The following CEP112 variants were observed in gnomAD, a reference collection of about 807,000 sequenced individuals.
The protein encoded by CEP112 is centrosomal protein 112.
CEP112 carries 127 observed loss-of-function variants against 153.0 expected under a neutral mutation model. The ratio of observed to expected loss-of-function variants is 0.83; its 90% confidence interval spans 0.72 to 0.96. The LOEUF (loss-of-function observed/expected upper bound fraction) is 0.96, where lower values mean the gene tolerates loss of function less well. CEP112 is among the 40% of genes least tolerant of loss of function. The pLI, the probability that CEP112 is intolerant of heterozygous loss-of-function variation, is 0.00. For synonymous variants in CEP112, 358 were observed against 374.4 expected, an observed-to-expected ratio of 0.96 and a Z score of 0.51; for missense variants, 1,089 against 1,101.2, an observed-to-expected ratio of 0.99 and a Z score of 0.16.
At chr17:65,721,015 T>C (rs1197057073) in intron 23 of CEP112, among the ~76,000 whole-genome samples, 7 of 146,974 alleles carry the variant, frequency 4.8e-5, no homozygotes, top group African/African-American at 1.6e-4. Flanking sequence ...CTCTCTTTTT[T>C]TTTTTTTTTT....
At chr17:66,026,470 TA>T (rs35723023) in intron 16 of CEP112, among the ~76,000 whole-genome samples, 140,965 of 152,200 alleles carry the variant, frequency 0.93, 65,518 homozygotes, top group East Asian at 0.97. Flanking sequence ...GTTCTTTTGT[TA>T]AAATGTTTAA....
At chr17:65,977,827 C>A (rs1340683850) in intron 17 of CEP112, among the ~76,000 whole-genome samples, 1 of 152,176 alleles carries the variant, frequency 6.6e-6, no homozygotes, top group East Asian at 1.9e-4. Context: ...GTAATCCCAG[C>A]ACTTTGGGAG....
intron 9 of CEP112, among the ~76,000 whole-genome samples, chr17:66,069,202 T>G (rs909171426): frequency 6.6e-6 from 1 of 152,000 alleles, no homozygotes; most frequent in Non-Finnish European, 1.5e-5. Context: ...AATCATAGGC[T>G]TAGTTTTGAA....
chr17:66,030,849 A>G (rs576834391), intron 12 of CEP112, among the ~76,000 whole-genome samples: 1 of 152,320 alleles, frequency 6.6e-6, no homozygotes, highest in South Asian at 2.1e-4. Context: ...ATAGGTTAGT[A>G]TGATGTTGCA....
At chr17:66,061,272 G>A (rs68045833) in intron 11 of CEP112, among the ~76,000 whole-genome samples, 55,187 of 151,634 alleles carry the variant, frequency 0.36, 11,106 homozygotes, top group Non-Finnish European at 0.45. Flanking sequence ...TTAAAAAGTC[G>A]AAAGATAGCA....
intron 21 of CEP112, among the ~76,000 whole-genome samples, chr17:65,840,966 C>T (rs2057494805): frequency 1.3e-5 from 2 of 152,052 alleles, no homozygotes; most frequent in East Asian, 1.9e-4. Context: ...ATATCTCATC[C>T]ACTTAAAACT....
At chr17:65,815,020 TTTTA>T (rs2056188717) in intron 21 of CEP112, among the ~76,000 whole-genome samples, 1 of 152,140 alleles carries the variant, frequency 6.6e-6, no homozygotes, top group Non-Finnish European at 1.5e-5. Context: ...AGAGTAAAAG[TTTTA>T]TTTCTGATGA....
At chr17:66,053,662 C>T in intron 12 of CEP112, 74 bp downstream of exon 12, 2 of 1,450,554 alleles carry the variant, frequency 1.4e-6, no homozygotes, top group Admixed American at 1.9e-5. Flanking sequence ...ACACTGTGCA[C>T]ATCAGGGAAA....
Position 66,132,681 on chromosome 17 carries a change from G to C in CEP112, c.553C>G (p.Pro185Ala), listed in dbSNP as rs766014051. 1.1e-5 allele frequency: 18 copies of C among 1,610,368 alleles called. No individual in the cohort carries two copies. The South Asian group carries it at 1.8e-4, about 16-fold the overall frequency. Residue 185 changes from proline (P) to alanine (A), a missense_variant, in exon 5 of 27, where the codon CCA becomes GCA. Physicochemically the swap from Pro to Ala is conservative, Grantham distance 27. Coordinates refer to ENST00000535342, the MANE Select transcript of CEP112 (RefSeq NM_001199165.4). ...AAATCTAATCTTACACAAATCTTTG[G>C]GGTAATATTTTGTCCATCTTCTCTG... ...THREDGQNIT[P>A]KICEVYSKKS...
intron 4 of CEP112, among the ~76,000 whole-genome samples, chr17:66,140,725 C>A (rs1425831719): frequency 6.6e-6 from 1 of 152,180 alleles, no homozygotes; most frequent in Non-Finnish European, 1.5e-5. Flanking sequence ...TCACTGCAAC[C>A]TCCACCTCCT....
At chr17:65,816,229 TG>T (rs1216720360) in intron 21 of CEP112, among the ~76,000 whole-genome samples, 1 of 152,080 alleles carries the variant, frequency 6.6e-6, no homozygotes. Context: ...TCAGTAGTTT[TG>T]GTATACTCAC....
chr17:66,190,763 C>T, intron 1 of CEP112, among the ~76,000 whole-genome samples: 1 of 152,104 alleles, frequency 6.6e-6, no homozygotes, highest in Non-Finnish European at 1.5e-5. Context: ...AATGGGCTTA[C>T]CTACCCTACA....
chr17:66,168,533 ATGTG>A (rs1273410076), intron 4 of CEP112, among the ~76,000 whole-genome samples: 6 of 150,716 alleles, frequency 4.0e-5, no homozygotes, highest in Non-Finnish European at 8.9e-5. Flanking sequence ...ATATGTATAT[ATGTG>A]TGTGTGTGTG....
At chr17:66,099,045 G>A (rs2068457132) in intron 6 of CEP112, among the ~76,000 whole-genome samples, 1 of 152,142 alleles carries the variant, frequency 6.6e-6, no homozygotes, top group South Asian at 2.1e-4. Flanking sequence ...CACAAAACAA[G>A]GGGCTTGGAA....
Position 65,994,849 on chromosome 17 carries a change from CTGCCTGCTG to C in CEP112, c.1736+10832_1736+10840del, listed in dbSNP as rs1003346938. 6.8e-4 allele frequency among the ~76,000 whole-genome samples: 104 copies of C among 152,258 alleles called. 1 individual carries two copies. Among genetic ancestry groups the C allele is most frequent in the African/African-American group, 2.4e-3 (100 of 41,538 alleles). The stretch of plus-strand genomic sequence containing the variant: ...CATTTGGGGCAGTTCATTTGTATCC[CTGCCTGCTG>C]TGGGGCCACTTTCGGTTCTCTTTCT... On this transcript the variant is annotated intron_variant, in intron 17 of 26. Transcript: ENST00000535342.
chr17:66,006,681 C>A (rs533551060), intron 16 of CEP112, among the ~76,000 whole-genome samples: 1 of 152,002 alleles, frequency 6.6e-6, no homozygotes, highest in Non-Finnish European at 1.5e-5. Context: ...GGACATTTTA[C>A]GGATCTTAAA....
chr17:66,003,750 T>C (rs1168594396), intron 17 of CEP112, among the ~76,000 whole-genome samples: 1 of 152,166 alleles, frequency 6.6e-6, no homozygotes, highest in Non-Finnish European at 1.5e-5. Flanking sequence ...AGCTCCACCT[T>C]CTGTCAGATT....
intron 24 of CEP112, among the ~76,000 whole-genome samples, chr17:65,643,283 G>T (rs556097210): frequency 3.4e-5 from 5 of 146,420 alleles, no homozygotes; most frequent in Non-Finnish European, 7.5e-5. Context: ...AGGCCTCAGG[G>T]ATGGTGAATC....
chr17:65,864,618 T>C (rs1376726252), intron 20 of CEP112, among the ~76,000 whole-genome samples: 2 of 152,214 alleles, frequency 1.3e-5, no homozygotes, highest in Non-Finnish European at 2.9e-5. Context: ...GAGCACGATG[T>C]CACAGAATTC....
Sources: gnomAD v4.1 joint callset for allele counts (sites outside exome capture counted in the v4.1 genomes callset) on GRCh38, gnomAD v4.1.1 for gene constraint, MANE v1.5 for transcripts, NCBI Gene and HGNC (gene_info 2026-07-23, HGNC 2026-07-21) for gene names.